The following NETO1 variants were observed in gnomAD, a reference collection of about 807,000 sequenced individuals.
NETO1 encodes neuropilin and tolloid-like protein 1.
In NETO1, 26 loss-of-function variants were observed where a neutral mutation model predicts 61.3. That is an observed-to-expected ratio of 0.42 (90% CI 0.31 to 0.59). NETO1 has a LOEUF of 0.59. Among genes scored for constraint, NETO1 ranks in the 20% least tolerant of loss-of-function variants. NETO1 has a pLI of 0.12. For synonymous variants in NETO1, 225 were observed against 225.8 expected (o/e 1.00, Z 0.03); for missense variants, 531 against 662.8 (o/e 0.80, Z 2.18).
intron 3 of NETO1, among the ~76,000 whole-genome samples, chr18:72,862,621 T>C (rs867352780): frequency 1.8e-5 from 2 of 109,312 alleles, no homozygotes; most frequent in Admixed American, 1.1e-4. Context: ...CCTTTTTTTT[T>C]CTTTTTTTTT....
chr18:72,776,498 G>A (rs942621075), intron 7 of NETO1, among the ~76,000 whole-genome samples: 18 of 152,196 alleles, frequency 1.2e-4, no homozygotes, highest in Non-Finnish European at 2.4e-4. Context: ...AGCAGCTTAT[G>A]ACCAACAGAA....
chr18:72,782,838 A>G (rs2071791007), intron 7 of NETO1, among the ~76,000 whole-genome samples: 1 of 152,142 alleles, frequency 6.6e-6, no homozygotes, highest in Non-Finnish European at 1.5e-5. Context: ...TAAATAAAAT[A>G]ACAGCTATTC....
intron 7 of NETO1, among the ~76,000 whole-genome samples, chr18:72,778,660 G>A (rs2071637388): frequency 6.6e-6 from 1 of 152,096 alleles, no homozygotes; most frequent in Admixed American, 6.5e-5. Flanking sequence ...CCATTTGAAA[G>A]CTCATCAAAA....
chr18:72,797,023 C>T (rs1295587039), intron 4 of NETO1, among the ~76,000 whole-genome samples: 2 of 152,158 alleles, frequency 1.3e-5, no homozygotes, highest in Non-Finnish European at 1.5e-5. Flanking sequence ...TTGATATTGA[C>T]AAGATTCCCT....
chr18:72,826,962 C>T (rs536509795), intron 4 of NETO1, among the ~76,000 whole-genome samples: 5 of 152,128 alleles, frequency 3.3e-5, no homozygotes, highest in Non-Finnish European at 7.4e-5. Context: ...TGGCTTGTCT[C>T]CCTTATCTCA....
intron 4 of NETO1, among the ~76,000 whole-genome samples, chr18:72,803,888 T>C (rs1352594343): frequency 6.6e-6 from 1 of 151,978 alleles, no homozygotes; most frequent in Non-Finnish European, 1.5e-5. Context: ...TAGACTGGGT[T>C]CTCTTCATCT....
intron 4 of NETO1, chr18:72,835,117 A>T: frequency 8.3e-7 from 1 of 1,198,542 alleles, no homozygotes. Flanking sequence ...CTAAGTCCGA[A>T]TATGTGGCAA....
chr18:72,839,951 A>G (rs1309003972), intron 4 of NETO1, among the ~76,000 whole-genome samples: 2 of 152,256 alleles, frequency 1.3e-5, no homozygotes, highest in Non-Finnish European at 2.9e-5. Flanking sequence ...ACATCCAGTT[A>G]ATAAATGCAT....
chr18:72,825,344 T>G (rs1034501862), intron 4 of NETO1, among the ~76,000 whole-genome samples: 9 of 152,196 alleles, frequency 5.9e-5, no homozygotes, highest in Non-Finnish European at 1.0e-4. Flanking sequence ...TGGCCTATTT[T>G]AACTTTTCAA....
chr18:72,766,503 T>C (rs113245549), intron 7 of NETO1, among the ~76,000 whole-genome samples: 2 of 152,220 alleles, frequency 1.3e-5, no homozygotes, highest in African/African-American at 4.8e-5. Context: ...GTATCTTTTT[T>C]TCATGTCCTT....
chr18:72,829,416 C>T (rs2073499333), intron 4 of NETO1, among the ~76,000 whole-genome samples: 1 of 151,886 alleles, frequency 6.6e-6, no homozygotes, highest in African/African-American at 2.4e-5. Flanking sequence ...ATCTAATATA[C>T]TCCAATCAGT....
intron 4 of NETO1, among the ~76,000 whole-genome samples, chr18:72,799,047 A>G (rs148075297): frequency 2.0e-5 from 3 of 152,232 alleles, no homozygotes; most frequent in Non-Finnish European, 2.9e-5. Context: ...ACTTCATCAA[A>G]TGTGTCTGCA....
rs150058993 is a variant in NETO1 at position 72,822,624 on chromosome 18, T to A, written c.470-28220A>T. ...AGCTCAGACATAAAAGAGAATGACATTTTTCTATTCTGGGGTTTTGCACAT... is the reference window on the plus strand; with the variant it reads ...AGCTCAGACATAAAAGAGAATGACAATTTTCTATTCTGGGGTTTTGCACAT... On this transcript the variant is annotated intron_variant, in intron 4 of 10. Transcript: ENST00000327305. Among the ~76,000 whole-genome samples the A allele has an allele frequency of 1.5e-3, 221 of 152,326 alleles. 1 individual carries two copies. The highest frequency in any genetic ancestry group is 5.1e-3 in the African/African-American group (211 of 41,566).
At chr18:72,762,293 T>G (rs1568178248) in intron 7 of NETO1, among the ~76,000 whole-genome samples, 1 of 152,128 alleles carries the variant, frequency 6.6e-6, no homozygotes, top group African/African-American at 2.4e-5. Flanking sequence ...CCAGAGTAGC[T>G]GGGATTACAG....
chr18:72,822,637 G>C (rs1460187448), intron 4 of NETO1, among the ~76,000 whole-genome samples: 1 of 152,174 alleles, frequency 6.6e-6, no homozygotes, highest in Non-Finnish European at 1.5e-5. Flanking sequence ...TTCTATTCTG[G>C]GGTTTTGCAC....
chr18:72,817,757 A>C (rs1170854984), intron 4 of NETO1, among the ~76,000 whole-genome samples: 1 of 152,244 alleles, frequency 6.6e-6, no homozygotes, highest in Non-Finnish European at 1.5e-5. Flanking sequence ...TTGGTTGGAA[A>C]AATTGTGACT....
chr18:72,783,940 C>A, intron 6 of NETO1, 34 bp from the exon 7 acceptor site: 1 of 1,469,142 alleles, frequency 6.8e-7, no homozygotes, highest in Non-Finnish European at 9.5e-7. Context: ...TTCCACATAT[C>A]AAAATATGAA....
intron 7 of NETO1, among the ~76,000 whole-genome samples, chr18:72,783,464 T>C (rs1034460987): frequency 1.3e-5 from 2 of 152,232 alleles, no homozygotes; most frequent in East Asian, 3.9e-4. Flanking sequence ...AGAAAGGCTA[T>C]GGTGCATATG....
intron 4 of NETO1, among the ~76,000 whole-genome samples, chr18:72,808,474 G>C (rs919311036): frequency 4.1e-5 from 6 of 147,628 alleles, no homozygotes; most frequent in African/African-American, 1.5e-4. Flanking sequence ...GTGTGGTGAG[G>C]AGATGGCATT....
Sources: gnomAD v4.1 joint callset for allele counts (sites outside exome capture counted in the v4.1 genomes callset) on GRCh38, gnomAD v4.1.1 for gene constraint, MANE v1.5 for transcripts, NCBI Gene and HGNC (gene_info 2026-07-23, HGNC 2026-07-21) for gene names.